Variants in CDH1 observed in about 807,000 individuals in gnomAD.
CDH1 encodes cadherin 1, also known as cadherin-1.
CDH1 carries 35 observed loss-of-function variants against 84.5 expected under a neutral mutation model. The ratio of observed to expected loss-of-function variants is 0.41; its 90% CI spans 0.32 to 0.55. The LOEUF (loss-of-function observed/expected upper bound fraction) is 0.55, where lower values mean the gene tolerates loss of function less well. CDH1 is among the 20% of genes least tolerant of loss of function. CDH1 has a pLI of 0.19. For synonymous variants in CDH1, 417 were observed against 439.0 expected (o/e 0.95, Z 0.63); for missense variants, 994 against 1,126.6 (o/e 0.88, Z 1.68).
Position 68,801,819 on chromosome 16 carries a change from T to A in CDH1, c.313T>A (p.Ser105Thr), listed in dbSNP as rs1165815510. Residue 105 changes from serine (S) to threonine (T), a missense_variant, in exon 3 of 16, where the codon TCC becomes ACC. Physicochemically the swap from Ser to Thr is moderately conservative, Grantham distance 58. Transcript: ENST00000261769. ...QIHFLVYAWD[S>T]TYRKFSTKVT... ...CCATTTCTTGGTCTACGCCTGGGAC[T>A]CCACCTACAGAAAGTTTTCCACCAA... 6.2e-7 allele frequency: 1 copy of A among 1,614,192 alleles called. No individual in the cohort carries two copies. The highest frequency in any genetic ancestry group is 8.5e-7 in the Non-Finnish European group (1 of 1,180,014).
intron 11 of CDH1, among the ~76,000 whole-genome samples, chr16:68,821,635 A>G (rs1206447145): frequency 2.6e-5 from 4 of 152,212 alleles, no homozygotes; most frequent in Non-Finnish European, 4.4e-5. Context: ...CTCAAATGGC[A>G]GGAAAGTGCA....
intron 2 of CDH1, among the ~76,000 whole-genome samples, chr16:68,796,683 C>T (rs1021621232): frequency 6.6e-6 from 1 of 151,944 alleles, no homozygotes; most frequent in African/African-American, 2.4e-5. Context: ...AAGTGGGGCA[C>T]CGTAGGTTTA....
intron 13 of CDH1, among the ~76,000 whole-genome samples, chr16:68,825,101 AT>A (rs1046228578): frequency 5.3e-5 from 8 of 150,774 alleles, no homozygotes; most frequent in Non-Finnish European, 1.0e-4. Flanking sequence ...TAAAAAATAC[AT>A]TTTTTTATTA....
intron 2 of CDH1, among the ~76,000 whole-genome samples, chr16:68,772,158 C>T (rs1476106773): frequency 1.3e-5 from 2 of 152,192 alleles, no homozygotes; most frequent in Non-Finnish European, 2.9e-5. Flanking sequence ...GGTCTAGGCT[C>T]CTTATCTCAA....
chr16:68,799,699 T>C (rs1960446831), intron 2 of CDH1, among the ~76,000 whole-genome samples: 1 of 151,992 alleles, frequency 6.6e-6, no homozygotes, highest in Non-Finnish European at 1.5e-5. Context: ...TATAAACTAA[T>C]ATAATCTTCC....
At chr16:68,814,467 G>A (rs1355130416) in intron 9 of CDH1, 1 of 152,650 alleles carries the variant, frequency 6.6e-6, no homozygotes, top group Non-Finnish European at 1.5e-5. Flanking sequence ...AGAATCGCTT[G>A]AGCCTGGAAG....
chr16:68,753,212 CAAA>C (rs55703202), intron 2 of CDH1, among the ~76,000 whole-genome samples: 2 of 70,118 alleles, frequency 2.9e-5, no homozygotes, highest in African/African-American at 5.8e-5. Context: ...GACTCAGTCT[CAAA>C]AAAAAAAAAA....
chr16:68,815,682 C>A lies in CDH1; in HGVS notation c.1488C>A (p.Ser496=), dbSNP rs751346548. The change falls in exon 10 of 16, where the codon TCC becomes TCA. Residue 496 remains serine (S), a synonymous_variant. Transcript: ENST00000261769. Reference sequence around the variant, plus strand: ...CTCCTGAAAAGAGAGTGGAAGTGTCCGAGGACTTTGGCGTGGGCCAGGAAA... The same window carrying A: ...CTCCTGAAAAGAGAGTGGAAGTGTCAGAGGACTTTGGCGTGGGCCAGGAAA... The part of the protein sequence containing the change: ...FVPPEKRVEV[S]EDFGVGQEIT... 6.2e-7 allele frequency: 1 copy of A among 1,614,162 alleles called. No individual in the cohort carries two copies. Among genetic ancestry groups the A allele is most frequent in the Non-Finnish European group, 8.5e-7 (1 of 1,180,030 alleles).
intron 11 of CDH1, among the ~76,000 whole-genome samples, chr16:68,820,208 A>G (rs1228589018): frequency 6.6e-6 from 1 of 152,018 alleles, no homozygotes; most frequent in Non-Finnish European, 1.5e-5. Flanking sequence ...CCAAAAAAAA[A>G]ATTGTTTTTT....
At chr16:68,749,466 A>G (rs1213077562) in intron 2 of CDH1, among the ~76,000 whole-genome samples, 1 of 152,222 alleles carries the variant, frequency 6.6e-6, no homozygotes, top group Non-Finnish European at 1.5e-5. Context: ...GAGTTTTCAG[A>G]GACCTCACAC....
rs1157804015 is a variant in CDH1 at position 68,791,947 on chromosome 16, G to GTC, written c.164-9715_164-9714dup. On this transcript the variant is annotated intron_variant, in intron 2 of 15. Coordinates refer to ENST00000261769, the MANE Select transcript of CDH1 (RefSeq NM_004360.5). ...TGTTTGTTTATTTTTTTGAGATGGA[G>GTC]TCTCTCTCTGTTGCCCAGGCTGGAG... Among the ~76,000 whole-genome samples the GTC allele has an allele frequency of 5.3e-5, 8 of 151,104 alleles. No homozygotes were observed. The South Asian group carries it at 1.5e-3, about 28-fold the overall frequency.
intron 2 of CDH1, among the ~76,000 whole-genome samples, chr16:68,746,186 G>A (rs1263036322): frequency 6.6e-6 from 1 of 152,172 alleles, no homozygotes; most frequent in Non-Finnish European, 1.5e-5. Flanking sequence ...TGCACTTTGG[G>A]AGGCCAAGGC....
At chr16:68,802,308 G>A (rs1339997229) in intron 3 of CDH1, among the ~76,000 whole-genome samples, 2 of 152,160 alleles carry the variant, frequency 1.3e-5, no homozygotes, top group African/African-American at 2.4e-5. Context: ...TACGTCACCT[G>A]TCTATGCTTG....
rs148627639 is a variant in CDH1, at chr16:68,774,349, A to G, written c.164-27321A>G. Among the ~76,000 whole-genome samples the G allele has an allele frequency of 7.3e-3, 1,118 of 152,276 alleles. 11 individuals are homozygous for G. Among genetic ancestry groups the G allele is most frequent in the South Asian group, 0.014 (67 of 4,820 alleles). ...AGCCTGGCCCACATGGTGAAACCCCATCTCTACTAATAATACAAAAATTAG... is the reference window on the plus strand; with the variant it reads ...AGCCTGGCCCACATGGTGAAACCCCGTCTCTACTAATAATACAAAAATTAG... On this transcript the variant is annotated intron_variant, in intron 2 of 15. Transcript: ENST00000261769.
intron 2 of CDH1, among the ~76,000 whole-genome samples, chr16:68,797,623 T>C (rs1567499393): frequency 6.6e-6 from 1 of 152,182 alleles, no homozygotes; most frequent in East Asian, 1.9e-4. Context: ...AAGGCTGCAG[T>C]GAGCAGTGTT....
chr16:68,779,313 C>T (rs1959812149), intron 2 of CDH1, among the ~76,000 whole-genome samples: 1 of 152,182 alleles, frequency 6.6e-6, no homozygotes, highest in Non-Finnish European at 1.5e-5. Flanking sequence ...CACAGAGGGG[C>T]AAAGAGGCAC....
intron 2 of CDH1, among the ~76,000 whole-genome samples, chr16:68,761,223 C>G (rs946287332): frequency 6.6e-5 from 10 of 152,188 alleles, no homozygotes; most frequent in Admixed American, 1.3e-4. Flanking sequence ...TTGGAGAACC[C>G]GGACAGCAGG....
At chr16:68,830,047 C>T (rs959246656) in intron 15 of CDH1, among the ~76,000 whole-genome samples, 7 of 151,138 alleles carry the variant, frequency 4.6e-5, no homozygotes, top group African/African-American at 7.3e-5. Flanking sequence ...AACCTCTGCC[C>T]GGGTTCAAGC....
chr16:68,785,093 A>G (rs779308684), intron 2 of CDH1, among the ~76,000 whole-genome samples: 1 of 152,206 alleles, frequency 6.6e-6, no homozygotes, highest in Non-Finnish European at 1.5e-5. Context: ...TGTTCTAATA[A>G]GGTGCCTCCC....
Sources: allele counts gnomAD v4.1 joint callset (sites outside exome capture counted in the v4.1 genomes callset), GRCh38; gene constraint gnomAD v4.1.1; transcripts MANE v1.5; gene names NCBI Gene and HGNC (gene_info 2026-07-23, HGNC 2026-07-21).